Variants in SLC66A2 observed in about 807,000 individuals in gnomAD.
SLC66A2 encodes solute carrier family 66 member 2, also known as PQ loop repeat containing 1.
A neutral mutation model predicts 25.5 loss-of-function variants in SLC66A2; 23 were observed. That is an observed-to-expected ratio of 0.90 (90% CI 0.65 to 1.28). The LOEUF (loss-of-function observed/expected upper bound fraction) is 1.28. Among genes scored for constraint, SLC66A2 ranks in the 50% most tolerant of loss-of-function variants. SLC66A2 has a pLI of 0.00. For synonymous variants in SLC66A2, 193 were observed against 166.5 expected, an observed-to-expected ratio of 1.16 and a Z score of -1.23; for missense variants, 396 against 373.1, an observed-to-expected ratio of 1.06 and a Z score of -0.51.
At chr18:79,929,686 A>G (rs1257806146) in intron 4 of SLC66A2, among the ~76,000 whole-genome samples, 6 of 152,204 alleles carry the variant, frequency 3.9e-5, no homozygotes, top group African/African-American at 1.2e-4. Context: ...AAAGGGATCC[A>G]TGCATAAAGA....
intron 5 of SLC66A2, among the ~76,000 whole-genome samples, chr18:79,905,537 C>T (rs1187268174): frequency 6.6e-6 from 1 of 152,276 alleles, no homozygotes; most frequent in Non-Finnish European, 1.5e-5. Flanking sequence ...ACCACAGCCC[C>T]GGTGCAAAGG....
At chr18:79,915,203 C>A (rs1983811288) in intron 5 of SLC66A2, among the ~76,000 whole-genome samples, 2 of 152,168 alleles carry the variant, frequency 1.3e-5, no homozygotes, top group Admixed American at 6.5e-5. Context: ...GAAAACCGCC[C>A]GATGGTCACT....
chr18:79,930,954 G>A (rs1184817048), intron 4 of SLC66A2, among the ~76,000 whole-genome samples: 6 of 152,142 alleles, frequency 3.9e-5, no homozygotes, highest in African/African-American at 7.2e-5. Context: ...GGAGGAAATC[G>A]AACCATGTAG....
Position 79,937,529 on chromosome 18 carries a change from T to TA in SLC66A2, c.338-3508dup, listed in dbSNP as rs1416901776. On this transcript the variant is annotated intron_variant, in intron 3 of 5. Transcript: ENST00000397778. This position sits in a 1 kb window ranked among gnomAD's most constrained non-coding sequence, Gnocchi z 5.4. ...TTCCTTTATAAATTACACCTGTGGA[T>TA]AGCTGAACAATGGGTACCCGCCCAT... is the stretch of plus-strand genomic sequence containing the variant. 6.6e-6 allele frequency among the ~76,000 whole-genome samples: 1 copy of TA among 152,152 alleles called. No homozygotes were observed. Among genetic ancestry groups the TA allele is most frequent in the Non-Finnish European group, 1.5e-5 (1 of 68,036 alleles).
intron 5 of SLC66A2, among the ~76,000 whole-genome samples, chr18:79,909,376 TCACTA>T (rs1982590837): frequency 1.3e-5 from 2 of 152,108 alleles, no homozygotes; most frequent in South Asian, 4.1e-4. Flanking sequence ...TCCAGAAACT[TCACTA>T]CAGTGTCCCC....
At position 79,918,421 on chromosome 18, in the gene SLC66A2, G is replaced by A. The variant is rs911086533; in HGVS notation, c.608+763C>T. Among the ~76,000 whole-genome samples, 7 of 43,918 alleles carry A rather than the reference G, an allele frequency of 1.6e-4. No homozygotes were observed. Among genetic ancestry groups the A allele is most frequent in the South Asian group, 2.1e-3 (1 of 480 alleles). The allele number at this position is 43,918 out of a possible 152,430, so 28.8% of individuals were successfully genotyped here. A position where few individuals can be genotyped will look rare whatever the true frequency, so the allele number is the denominator to read the frequency against. On this transcript the variant is annotated intron_variant, in intron 5 of 5. Coordinates refer to ENST00000397778, the MANE Select transcript of SLC66A2 (RefSeq NM_025078.5). This position sits in a 1 kb window ranked among gnomAD's most constrained non-coding sequence, Gnocchi z 4.0. ...CGGATCCCCAGTGAGGAGCGGGCCCGGGGGGGGGTCCCCAGTGAGGAGCGG... is the reference window on the plus strand; with the variant it reads ...CGGATCCCCAGTGAGGAGCGGGCCCAGGGGGGGGTCCCCAGTGAGGAGCGG...
intron 3 of SLC66A2, among the ~76,000 whole-genome samples, chr18:79,943,063 C>T (rs116289326): frequency 0.021 from 3,254 of 152,306 alleles, 83 homozygotes; most frequent in African/African-American, 0.066. Flanking sequence ...TCTGGGATGG[C>T]GCTCACAGCC....
At chr18:79,944,114 G>C (rs1987961844) in intron 2 of SLC66A2, 1 of 153,184 alleles carries the variant, frequency 6.5e-6, no homozygotes, top group Non-Finnish European at 1.5e-5. Context: ...GCGCTCCCCA[G>C]AACCAGTGGC....
rs1228166443 is a variant in SLC66A2 at position 79,937,781 on chromosome 18, T to C, written c.338-3759A>G. 1.3e-5 allele frequency among the ~76,000 whole-genome samples: 2 copies of C among 152,176 alleles called. No individual in the cohort carries two copies. The highest frequency in any genetic ancestry group is 3.9e-4 in the East Asian group (2 of 5,166). On this transcript the variant is annotated intron_variant, in intron 3 of 5. Coordinates refer to ENST00000397778, the MANE Select transcript of SLC66A2 (RefSeq NM_025078.5). This position sits in a 1 kb window ranked among gnomAD's most constrained non-coding sequence, Gnocchi z 5.4. ...CAGAAAGAGCCAAGGACAGAACACC[T>C]TGTCCTTGTCCACATCCCAGGGACA...
At chr18:79,935,029 C>G (rs964322707) in intron 3 of SLC66A2, among the ~76,000 whole-genome samples, 14 of 152,240 alleles carry the variant, frequency 9.2e-5, no homozygotes, top group African/African-American at 3.4e-4. Context: ...CCCAGCACTG[C>G]CTCTTGGATT....
At chr18:79,935,559 A>G (rs945916955) in intron 3 of SLC66A2, 4 of 152,154 alleles carry the variant, frequency 2.6e-5, no homozygotes, top group Admixed American at 2.6e-4. Context: ...CCCCTTGATC[A>G]TGGGTGGGCT....
chr18:79,935,162 C>CTGCTCA (rs1986954469), intron 3 of SLC66A2, among the ~76,000 whole-genome samples: 1 of 152,196 alleles, frequency 6.6e-6, no homozygotes, highest in Non-Finnish European at 1.5e-5. Flanking sequence ...CAAGGCAGGA[C>CTGCTCA]TGCTCAGTCC....
intron 2 of SLC66A2, among the ~76,000 whole-genome samples, chr18:79,948,835 G>T (rs1457443401): frequency 6.6e-6 from 1 of 152,156 alleles, no homozygotes; most frequent in Non-Finnish European, 1.5e-5. Flanking sequence ...GCTGTAGCAG[G>T]TGGCCTGCCG....
chr18:79,931,302 G>A (rs374935516), intron 4 of SLC66A2, among the ~76,000 whole-genome samples: 28 of 152,150 alleles, frequency 1.8e-4, no homozygotes, highest in African/African-American at 4.3e-4. Flanking sequence ...AAGATCCATC[G>A]TATGTATACA....
chr18:79,907,928 T>A (rs1201230824), intron 5 of SLC66A2, among the ~76,000 whole-genome samples: 1 of 152,152 alleles, frequency 6.6e-6, no homozygotes, highest in South Asian at 2.1e-4. Flanking sequence ...CTATAATATA[T>A]TTAACTTGTC....
intron 5 of SLC66A2, chr18:79,915,964 T>A (rs1983946031): frequency 8.5e-6 from 1 of 117,190 alleles, no homozygotes; most frequent in Admixed American, 1.1e-4. Flanking sequence ...GGTTCCAGGG[T>A]GCTAACTCCC....
chr18:79,922,010 GGA>G (rs1985296119), intron 4 of SLC66A2, among the ~76,000 whole-genome samples: 1 of 152,026 alleles, frequency 6.6e-6, no homozygotes, highest in African/African-American at 2.4e-5. Context: ...AGGAGAGACG[GGA>G]ACTTGGGAGC....
chr18:79,945,649 T>C (rs966726084), intron 2 of SLC66A2, among the ~76,000 whole-genome samples: 1 of 152,226 alleles, frequency 6.6e-6, no homozygotes, highest in Non-Finnish European at 1.5e-5. Context: ...CAGGGTTTTC[T>C]GGGCCTGAGG....
intron 4 of SLC66A2, among the ~76,000 whole-genome samples, chr18:79,925,494 G>A (rs1046201445): frequency 6.6e-6 from 1 of 152,198 alleles, no homozygotes; most frequent in Admixed American, 6.5e-5. Flanking sequence ...CCAGGCTTGG[G>A]GGGCTCACCA....
Sources: gnomAD v4.1 joint callset for allele counts (sites outside exome capture counted in the v4.1 genomes callset) on GRCh38, gnomAD v4.1.1 for gene constraint, Gnocchi (gnomAD v3.1) non-coding constraint, MANE v1.5 for transcripts, NCBI Gene and HGNC (gene_info 2026-07-23, HGNC 2026-07-21) for gene names.